The following SPTB variants were observed in gnomAD, a reference collection of about 807,000 sequenced individuals.
SPTB encodes the protein spectrin beta chain, erythrocytic.
Under a neutral mutation model 256.2 loss-of-function variants are expected in SPTB, and 45 were observed. That is an observed-to-expected ratio of 0.18 (90% CI 0.14 to 0.23). The LOEUF (loss-of-function observed/expected upper bound fraction) is 0.23. SPTB is among the 10% of genes least tolerant of loss of function. The pLI, the probability that SPTB is intolerant of heterozygous loss-of-function variation, is 1.00. For missense variants in SPTB, 2,715 were observed against 3,040.4 expected, an observed-to-expected ratio of 0.89 and a Z score of 2.52; for synonymous variants, 1,231 against 1,243.1, an observed-to-expected ratio of 0.99 and a Z score of 0.21.
At chr14:64,805,182 C>T in intron 2 of SPTB, 92 bp from the exon 3 acceptor site, 1 of 1,442,240 alleles carries the variant, frequency 6.9e-7, no homozygotes, top group Non-Finnish European at 9.7e-7. Flanking sequence ...GCCCAGGGTA[C>T]CCCCATGCTT....
intron 9 of SPTB, among the ~76,000 whole-genome samples, chr14:64,798,630 C>T (rs1566769655): frequency 6.6e-6 from 1 of 152,204 alleles, no homozygotes; most frequent in African/African-American, 2.4e-5. Flanking sequence ...AGAACTGTGA[C>T]CGTGAAGCAC....
intron 1 of SPTB, among the ~76,000 whole-genome samples, chr14:64,843,520 T>A (rs915319655): frequency 1.3e-5 from 2 of 152,210 alleles, no homozygotes; most frequent in East Asian, 3.8e-4. Flanking sequence ...TACTCTCTCA[T>A]TTTCACTTGG....
At position 64,766,537 on chromosome 14, in the gene SPTB, C is replaced by T. The variant is rs1196738629; in HGVS notation, c.6345+189G>A. 10 of 1,518,200 alleles carry T rather than the reference C, an allele frequency of 6.6e-6. No homozygotes were observed. In the East Asian group the frequency reaches 2.1e-4, roughly 32 times the overall value. The allele number at this position is 1,518,200 out of a possible 1,614,324, so 94.0% of individuals were successfully genotyped here. ...TGGGGAGGAGTGGAGGAGGCTAGTA[C>T]TCTCATGAAGAACACCTCAGTGAGG... On this transcript the variant is annotated intron_variant, in intron 32 of 35. Coordinates refer to ENST00000644917, the MANE Select transcript of SPTB (RefSeq NM_001355436.2).
At chr14:64,850,525 C>T (rs2083767595) in intron 1 of SPTB, among the ~76,000 whole-genome samples, 1 of 152,174 alleles carries the variant, frequency 6.6e-6, no homozygotes, top group East Asian at 1.9e-4. Context: ...CCTCACAAAC[C>T]CTGGCTTCTT....
intron 2 of SPTB, among the ~76,000 whole-genome samples, chr14:64,808,074 G>A (rs531326543): frequency 1.2e-4 from 19 of 152,290 alleles, no homozygotes; most frequent in Admixed American, 8.5e-4. Context: ...GTGCAGCGGC[G>A]CAATCTTGGC....
intron 1 of SPTB, among the ~76,000 whole-genome samples, chr14:64,875,505 A>T (rs1882778212): frequency 6.6e-6 from 1 of 152,234 alleles, no homozygotes; most frequent in African/African-American, 2.4e-5. Context: ...GCTCTTCCTC[A>T]ATCACTATCT....
intron 28 of SPTB, 152 bp downstream of exon 28, chr14:64,769,438 C>A: frequency 9.1e-7 from 1 of 1,095,330 alleles, no homozygotes; most frequent in Non-Finnish European, 1.3e-6. Context: ...CTCCAATCCC[C>A]GGGCCTGTGT....
rs539579774 is a variant in SPTB at position 64,778,150 on chromosome 14, G to A, written c.4563+1007C>T. ...TGCGTGTGGCTGCTGGAGCCTCTGC[G>A]ACTAGATCATGTCAACCAGAAGCAA... On this transcript the variant is annotated intron_variant, in intron 22 of 35. Coordinates refer to ENST00000644917, the MANE Select transcript of SPTB (RefSeq NM_001355436.2). This position sits in a 1 kb window ranked among gnomAD's most constrained non-coding sequence, Gnocchi z 5.2. Among the ~76,000 whole-genome samples the A allele has an allele frequency of 5.9e-5, 9 of 152,260 alleles. No homozygotes were observed. Among genetic ancestry groups the A allele is most frequent in the South Asian group, 4.1e-4 (2 of 4,822 alleles).
At position 64,772,990 on chromosome 14, in the gene SPTB, G is replaced by A; in HGVS notation, c.5179-36C>T. ...GGCAGACAGAAATGTGGTTATGGGG[G>A]GCACAGGGGTTACAGGTGTCACCAG... On this transcript the variant is annotated intron_variant, in intron 25 of 35. Coordinates refer to ENST00000644917, the MANE Select transcript of SPTB (RefSeq NM_001355436.2). The surrounding 1 kb of genome is among the most constrained non-coding windows in gnomAD (Gnocchi z 5.4). The A allele has an allele frequency of 1.3e-6, 2 of 1,589,154 alleles. No homozygotes were observed. The highest frequency in any genetic ancestry group is 2.2e-5 in the South Asian group (2 of 89,004).
In SPTB at chr14:64,774,278, A is replaced by G. The variant is rs117995711; in HGVS notation, c.4973+119T>C. On this transcript the variant is annotated intron_variant, in intron 24 of 35. Transcript: ENST00000644917. Reference sequence around the variant, plus strand: ...CACCAGTCCCGCAGCAATTTTCTCCAGCCCTATTTGATGGGAAAACTCTTT... The same window carrying G: ...CACCAGTCCCGCAGCAATTTTCTCCGGCCCTATTTGATGGGAAAACTCTTT... The G allele has an allele frequency of 8.8e-3, 11,887 of 1,356,882 alleles. 71 individuals are homozygous for G. The highest frequency in any genetic ancestry group is 0.01 in the Non-Finnish European group (10,543 of 1,013,748). The allele number at this position is 1,356,882 out of a possible 1,614,324, so 84.1% of individuals were successfully genotyped here.
intron 1 of SPTB, among the ~76,000 whole-genome samples, chr14:64,837,562 A>T (rs960424543): frequency 6.6e-6 from 1 of 152,186 alleles, no homozygotes; most frequent in Non-Finnish European, 1.5e-5. Context: ...AAATCCCAGG[A>T]GAACTTTTTT....
chr14:64,767,541 G>A (rs1397159982), intron 30 of SPTB, 122 bp downstream of exon 30: 18 of 1,431,986 alleles, frequency 1.3e-5, no homozygotes, highest in East Asian at 6.8e-5. Context: ...TCCCATTGTC[G>A]CTGCTGGCCA....
chr14:64,774,037 G>A (rs1459344197), intron 24 of SPTB, among the ~76,000 whole-genome samples: 2 of 152,214 alleles, frequency 1.3e-5, no homozygotes, highest in Non-Finnish European at 2.9e-5. Flanking sequence ...TCTGGACTGT[G>A]AAGTCCTGGA....
In SPTB at chr14:64,775,443, C is replaced by T. The variant is rs2139515286; in HGVS notation, c.4564-40G>A. On this transcript the variant is annotated intron_variant, in intron 22 of 35. Coordinates refer to ENST00000644917, the MANE Select transcript of SPTB (RefSeq NM_001355436.2). The surrounding 1 kb of genome is among the most constrained non-coding windows in gnomAD (Gnocchi z 5.0). ...AAGGGCTCGGGGCAGGGCCTTCCCA[C>T]CATGCGGGGGAGGCTGCTTCAGCAG... 2 of 1,597,018 alleles carry T rather than the reference C, an allele frequency of 1.3e-6. No individual in the cohort carries two copies. The highest frequency in any genetic ancestry group is 1.7e-6 in the Non-Finnish European group (2 of 1,169,922).
rs559252446 is a variant in SPTB, at chr14:64,816,568, G to A, written c.148+6379C>T. ...AAATTTGTCATAATTTGCTATGCACGTGTGTCTATGCACATAGACACGTGT... is the reference window on the plus strand; with the variant it reads ...AAATTTGTCATAATTTGCTATGCACATGTGTCTATGCACATAGACACGTGT... On this transcript the variant is annotated intron_variant, in intron 2 of 35. Transcript: ENST00000644917. This position sits in a 1 kb window ranked among gnomAD's most constrained non-coding sequence, Gnocchi z 4.2. 1.3e-5 allele frequency among the ~76,000 whole-genome samples: 2 copies of A among 152,194 alleles called. No homozygotes were observed. The highest frequency in any genetic ancestry group is 2.1e-4 in the South Asian group (1 of 4,814).
chr14:64,870,722 C>T (rs184151432), intron 1 of SPTB, among the ~76,000 whole-genome samples: 6 of 152,304 alleles, frequency 3.9e-5, no homozygotes, highest in South Asian at 2.1e-4. Flanking sequence ...ATTGCATGGA[C>T]GGGTTCCTTA....
At chr14:64,870,786 T>A (rs144344056) in intron 1 of SPTB, among the ~76,000 whole-genome samples, 2 of 152,350 alleles carry the variant, frequency 1.3e-5, no homozygotes, top group East Asian at 3.9e-4. Context: ...TCTAGGTATA[T>A]GTCCAAAAGA....
rs148617985 is a variant in SPTB at position 64,795,119 on chromosome 14, G to A, written c.1644+218C>T. Among the ~76,000 whole-genome samples, 1 of 152,354 alleles carries A rather than the reference G, an allele frequency of 6.6e-6. No individual in the cohort carries two copies. The highest frequency in any genetic ancestry group is 1.9e-4 in the East Asian group (1 of 5,186). On this transcript the variant is annotated intron_variant, in intron 12 of 35. Coordinates refer to ENST00000644917, the MANE Select transcript of SPTB (RefSeq NM_001355436.2). This position sits in a 1 kb window ranked among gnomAD's most constrained non-coding sequence, Gnocchi z 6.5. ...AAACCCAAGATTTCTCGGTCACCAG[G>A]GTACCATGGACCTGGGCTGGTATCA... is the stretch of plus-strand genomic sequence containing the variant.
intron 31 of SPTB, 103 bp downstream of exon 31, chr14:64,767,200 A>G: frequency 1.4e-6 from 2 of 1,452,204 alleles, no homozygotes; most frequent in African/African-American, 1.4e-5. Flanking sequence ...CCAGTGTGAG[A>G]AGTCAAATGC....
Sources: gnomAD v4.1 joint callset for allele counts (sites outside exome capture counted in the v4.1 genomes callset) on GRCh38, gnomAD v4.1.1 for gene constraint, Gnocchi (gnomAD v3.1) non-coding constraint, MANE v1.5 for transcripts, NCBI Gene and HGNC (gene_info 2026-07-23, HGNC 2026-07-21) for gene names.